The following PLEK variants were observed in gnomAD, a reference collection of about 807,000 sequenced individuals.
PLEK encodes platelet 47 kDa protein.
PLEK carries 25 observed loss-of-function variants against 43.9 expected under a neutral mutation model. The observed-to-expected ratio is 0.57, with a 90% CI of 0.41 to 0.79. The LOEUF (loss-of-function observed/expected upper bound fraction) is 0.79, where lower values mean the gene tolerates loss of function less well. PLEK is among the 30% of genes least tolerant of loss of function. PLEK has a pLI of 0.00. For missense variants in PLEK, 396 were observed against 413.3 expected, an observed-to-expected ratio of 0.96 and a Z score of 0.36; for synonymous variants, 152 against 144.4, an observed-to-expected ratio of 1.05 and a Z score of -0.38.
intron 4 of PLEK, 90 bp downstream of exon 4, chr2:68,382,723 T>C: frequency 1.4e-6 from 1 of 720,692 alleles, no homozygotes; most frequent in East Asian, 2.5e-5. Context: ...GGGTATGAAG[T>C]ATGGGGGTTG....
Position 68,386,526 on chromosome 2 carries a change from T to C in PLEK, c.497T>C (p.Val166Ala). The C allele has an allele frequency of 6.2e-7, 1 of 1,613,728 alleles. No individual in the cohort carries two copies. The highest frequency in any genetic ancestry group is 1.1e-5 in the South Asian group (1 of 91,070). The change falls in exon 5 of 9, where the codon GTA becomes GCA. Residue 166 changes from valine (V) to alanine (A), a missense_variant. By Grantham distance (64) the Val-to-Ala change is moderately conservative. Coordinates refer to ENST00000234313, the MANE Select transcript of PLEK (RefSeq NM_002664.3). ...FTGNCVIDWL[V>A]SNQSVRNRQE... ...GGTAACTGCGTCATTGATTGGCTGG[T>C]ATCCAACCAGTCTGTTAGGAATCGC...
intron 2 of PLEK, 88 bp from the exon 3 acceptor site, chr2:68,380,635 A>G: frequency 6.8e-7 from 1 of 1,462,634 alleles, no homozygotes; most frequent in Non-Finnish European, 9.3e-7. Flanking sequence ...CTTGGCTAGA[A>G]GAGGTTTAGG....
chr2:68,371,066 G>A (rs1448101276), intron 1 of PLEK, among the ~76,000 whole-genome samples: 1 of 152,128 alleles, frequency 6.6e-6, no homozygotes, highest in African/African-American at 2.4e-5. Flanking sequence ...GACTAAAGGG[G>A]GAAAAGAGGG....
intron 6 of PLEK, 90 bp downstream of exon 6, chr2:68,388,581 G>T: frequency 1.4e-6 from 1 of 693,932 alleles, no homozygotes; most frequent in Admixed American, 2.1e-5. Flanking sequence ...GGTTTGTTTG[G>T]TTAATAGTCA....
chr2:68,388,194 C>A, intron 5 of PLEK, 193 bp from the exon 6 acceptor site: 1 of 520,444 alleles, frequency 1.9e-6, no homozygotes, highest in Non-Finnish European at 3.5e-6. Context: ...AGGAACAGCC[C>A]CGGAAGCAAG....
In PLEK at chr2:68,392,212, C is replaced by T. The variant is rs115027195; in HGVS notation, c.763-950C>T. ...CTTCTTTCTCCTCCTCCTCCTCTTC[C>T]GCCTCTTCTTCTTCCTTCATCATGT... On this transcript the variant is annotated intron_variant, in intron 6 of 8. Transcript: ENST00000234313. Among the ~76,000 whole-genome samples the T allele has an allele frequency of 2.1e-3, 303 of 145,458 alleles. 2 individuals carry two copies. The highest frequency in any genetic ancestry group is 6.9e-3 in the African/African-American group (255 of 36,862).
At chr2:68,392,461 G>A (rs1312991872) in intron 6 of PLEK, among the ~76,000 whole-genome samples, 1 of 152,034 alleles carries the variant, frequency 6.6e-6, no homozygotes, top group South Asian at 2.1e-4. Context: ...CTACTCAAAA[G>A]CCATCAACAA....
At chr2:68,392,562 T>G (rs924568170) in intron 6 of PLEK, among the ~76,000 whole-genome samples, 1 of 152,242 alleles carries the variant, frequency 6.6e-6, no homozygotes, top group African/African-American at 2.4e-5. Context: ...CTAGCCAGAC[T>G]GGTCTTATTC....
At chr2:68,376,919 C>T (rs10198357) in intron 1 of PLEK, among the ~76,000 whole-genome samples, 80,102 of 152,022 alleles carry the variant, frequency 0.53, 22,646 homozygotes, top group East Asian at 0.76. Context: ...CCTGCAGTCC[C>T]CCACTTCCCT....
intron 5 of PLEK, among the ~76,000 whole-genome samples, chr2:68,387,225 C>G (rs1037533197): frequency 2.0e-5 from 3 of 152,136 alleles, no homozygotes; most frequent in African/African-American, 7.2e-5. Flanking sequence ...AGGCTGGTCT[C>G]GAACTCCTGA....
intron 4 of PLEK, among the ~76,000 whole-genome samples, chr2:68,384,270 G>A (rs549641895): frequency 2.3e-4 from 35 of 150,972 alleles, no homozygotes; most frequent in African/African-American, 7.5e-4. Flanking sequence ...TATTTGAGAC[G>A]GAGTTTCACT....
At chr2:68,384,045 G>A (rs960839998) in intron 4 of PLEK, among the ~76,000 whole-genome samples, 3 of 152,108 alleles carry the variant, frequency 2.0e-5, no homozygotes, top group African/African-American at 7.2e-5. Context: ...TGGGCAAAGG[G>A]AACAGGAGGG....
At position 68,380,485 on chromosome 2, in the gene PLEK, T is replaced by C. The variant is rs1673591079; in HGVS notation, c.198+2T>C. 1.2e-6 allele frequency: 2 copies of C among 1,612,940 alleles called. No homozygotes were observed. Among genetic ancestry groups the C allele is most frequent in the African/African-American group, 2.7e-5 (2 of 74,876 alleles). On this transcript the variant is annotated splice_donor_variant, in intron 2 of 8. Transcript: ENST00000234313. LOFTEE classifies it high-confidence loss of function. ...TGTCAAGACTTTGGCAAAAGGATGG[T>C]AAGTTGACATCATGAGCTGCCGTGA...
At chr2:68,390,105 T>C (rs1673830688) in intron 6 of PLEK, among the ~76,000 whole-genome samples, 1 of 152,132 alleles carries the variant, frequency 6.6e-6, no homozygotes, top group Non-Finnish European at 1.5e-5. Context: ...GTAGGAGACC[T>C]GGGATGGTCA....
chr2:68,383,546 G>A (rs1255099142), intron 4 of PLEK, among the ~76,000 whole-genome samples: 1 of 151,946 alleles, frequency 6.6e-6, no homozygotes, highest in East Asian at 1.9e-4. Context: ...GATGAGCAGA[G>A]GATGGGCAAA....
Position 68,397,207 on chromosome 2 carries a change from A to AT in PLEK, c.*1396dup, listed in dbSNP as rs1484773294. The AT allele has an allele frequency of 3.9e-5, 6 of 151,980 alleles. No individual in the cohort carries two copies. The highest frequency in any genetic ancestry group is 5.9e-5 in the Non-Finnish European group (4 of 68,004). 9.4% of individuals were successfully genotyped at this position (151,980 alleles called of 1,614,324 possible). On this transcript the variant is annotated 3_prime_UTR_variant, in exon 9 of 9. Coordinates refer to ENST00000234313, the MANE Select transcript of PLEK (RefSeq NM_002664.3). Reference sequence around the variant, plus strand: ...TCCAGGAAAGAAAGGAGAGTAGAACATTTTTCCTCATTTTATCAAATCCTC... The same window carrying AT: ...TCCAGGAAAGAAAGGAGAGTAGAACATTTTTTCCTCATTTTATCAAATCCTC...
At chr2:68,365,414 C>A (rs60573122) in intron 1 of PLEK, 21 bp downstream of exon 1, 26,275 of 1,605,350 alleles carry the variant, frequency 0.016, 391 homozygotes, top group Admixed American at 0.079. Context: ...GTGCCACTTA[C>A]CAGGGTGTCA....
At chr2:68,386,823 T>C in intron 5 of PLEK, 137 bp downstream of exon 5, 1 of 634,512 alleles carries the variant, frequency 1.6e-6, no homozygotes, top group Non-Finnish European at 2.8e-6. Context: ...AACAAGGGAA[T>C]ACCTGAAGCT....
chr2:68,395,967 G>A lies in PLEK; in HGVS notation c.*151G>A, dbSNP rs1673955477. The A allele has an allele frequency of 3.0e-6, 2 of 664,970 alleles. No individual in the cohort carries two copies. The highest frequency in any genetic ancestry group is 2.6e-5 in the Admixed American group (1 of 38,566). The allele number at this position is 664,970 out of a possible 1,614,324, so 41.2% of individuals were successfully genotyped here. A position where few individuals can be genotyped will look rare whatever the true frequency, so the allele number is the denominator to read the frequency against. On this transcript the variant is annotated 3_prime_UTR_variant, in exon 9 of 9. Transcript: ENST00000234313. ...GGGGTCTGAATGTAACTCACCATGT[G>A]GTGTGCAAGGTTCCCCTGCATTGTA...
Sources: allele counts gnomAD v4.1 joint callset (sites outside exome capture counted in the v4.1 genomes callset), GRCh38; gene constraint gnomAD v4.1.1; transcripts MANE v1.5; gene names NCBI Gene and HGNC (gene_info 2026-07-23, HGNC 2026-07-21).